Variants in ARHGAP6 observed in about 807,000 individuals in gnomAD.
The protein encoded by ARHGAP6 is rho GTPase-activating protein 6.
In ARHGAP6, 16 loss-of-function variants were observed where a neutral mutation model predicts 55.7. The ratio of observed to expected loss-of-function variants is 0.29; its 90% CI spans 0.19 to 0.44. The LOEUF is 0.44. ARHGAP6 is among the 20% of genes least tolerant of loss of function. ARHGAP6 has a pLI of 1.00. For synonymous variants in ARHGAP6, 382 were observed against 360.9 expected (o/e 1.06, Z -0.66); for missense variants, 698 against 808.9 (o/e 0.86, Z 1.66).
intron 8 of ARHGAP6, among the ~76,000 whole-genome samples, chrX:11,174,627 C>CTTTCTTTCTTTCTTTCTTTCTCTTTCT (rs2046166348): frequency 9.3e-5 from 1 of 10,737 alleles, no homozygotes; most frequent in Non-Finnish European, 1.6e-4. Flanking sequence ...TCTTTCTTTT[C>CTTTCTTTCTTTCTTTCTTTCTCTTTCT]TTTCTTTCTT....
intron 8 of ARHGAP6, among the ~76,000 whole-genome samples, chrX:11,177,372 G>GC (rs1309647469): frequency 1.4e-5 from 1 of 72,074 alleles, no homozygotes; most frequent in African/African-American, 4.5e-5. Context: ...TTGGTGGGCG[G>GC]GGGGGGGGCA....
At chrX:11,348,047 A>G (rs1382513482) in intron 1 of ARHGAP6, among the ~76,000 whole-genome samples, 1 of 112,202 alleles carries the variant, frequency 8.9e-6, no homozygotes, top group Non-Finnish European at 1.9e-5. Context: ...AACTGTTACT[A>G]CTTATTTGTA....
chrX:11,558,159 C>A (rs971211571), intron 1 of ARHGAP6, among the ~76,000 whole-genome samples: 2 of 111,740 alleles, frequency 1.8e-5, no homozygotes, highest in African/African-American at 6.5e-5. Context: ...TAGAGAGGAG[C>A]TGTAGTATGT....
chrX:11,563,536 G>T (rs915550500), intron 1 of ARHGAP6, among the ~76,000 whole-genome samples: 1 of 111,231 alleles, frequency 9.0e-6, no homozygotes, highest in African/African-American at 3.3e-5. Flanking sequence ...ATGCATATAA[G>T]TACATATCCA....
At chrX:11,217,126 T>C (rs2046894845) in intron 2 of ARHGAP6, among the ~76,000 whole-genome samples, 1 of 112,176 alleles carries the variant, frequency 8.9e-6, no homozygotes, top group East Asian at 2.8e-4. Context: ...TGATGGGCAT[T>C]TGGGTTGGTT....
At chrX:11,415,874 T>C (rs1216077553) in intron 1 of ARHGAP6, among the ~76,000 whole-genome samples, 1 of 111,812 alleles carries the variant, frequency 8.9e-6, no homozygotes, top group Admixed American at 9.5e-5. Context: ...GAGCTCTGTC[T>C]AGCTAAGCCA....
At chrX:11,561,258 A>T (rs912701819) in intron 1 of ARHGAP6, among the ~76,000 whole-genome samples, 1 of 112,267 alleles carries the variant, frequency 8.9e-6, no homozygotes, top group African/African-American at 3.2e-5. Flanking sequence ...ATATAATGGA[A>T]CACTATAAAA....
chrX:11,622,793 A>G (rs2052245343), intron 1 of ARHGAP6, among the ~76,000 whole-genome samples: 1 of 111,796 alleles, frequency 8.9e-6, no homozygotes, highest in Admixed American at 9.5e-5. Flanking sequence ...TATATGGATT[A>G]GAAATTTTGC....
At chrX:11,309,162 G>A (rs779361230) in intron 1 of ARHGAP6, among the ~76,000 whole-genome samples, 5 of 111,768 alleles carry the variant, frequency 4.5e-5, no homozygotes, top group South Asian at 3.8e-4. Flanking sequence ...AATCTTTCAC[G>A]TCTTCCTGGC....
chrX:11,473,066 G>A (rs754183648), intron 1 of ARHGAP6, among the ~76,000 whole-genome samples: 8 of 110,812 alleles, frequency 7.2e-5, no homozygotes, highest in African/African-American at 2.3e-4. Flanking sequence ...TCTCACATCC[G>A]GTTTCCCTCC....
chrX:11,211,222 G>GTTTT (rs1231718233), intron 2 of ARHGAP6, among the ~76,000 whole-genome samples: 10 of 91,926 alleles, frequency 1.1e-4, no homozygotes, highest in African/African-American at 4.0e-4. Context: ...GAGAACTGCT[G>GTTTT]TTTTTTTTTT....
rs976692506 is a variant in ARHGAP6, at chrX:11,665,074, C to T, written c.-246G>A. The T allele has an allele frequency of 1.6e-5, 5 of 318,200 alleles. No homozygotes were observed. Among genetic ancestry groups the T allele is most frequent in the Non-Finnish European group, 2.7e-5 (5 of 185,879 alleles). 26.2% of individuals were successfully genotyped at this position (318,200 alleles called of 1,213,427 possible). ...AATGGGTCTGGGGACCTCCTGCAGC[C>T]GCTAGAACCTTCCTCCGGAGCCCAA... On this transcript the variant is annotated 5_prime_UTR_variant, in exon 1 of 13. Coordinates refer to ENST00000337414, the MANE Select transcript of ARHGAP6 (RefSeq NM_013427.3).
At chrX:11,139,772 T>C (rs1176579978) in intron 12 of ARHGAP6, among the ~76,000 whole-genome samples, 1 of 112,213 alleles carries the variant, frequency 8.9e-6, no homozygotes, top group African/African-American at 3.2e-5. Flanking sequence ...ACAGGTTAGC[T>C]GAGACGTCAG....
At chrX:11,200,469 G>A (rs2046604061) in intron 2 of ARHGAP6, among the ~76,000 whole-genome samples, 1 of 112,498 alleles carries the variant, frequency 8.9e-6, no homozygotes, top group Non-Finnish European at 1.9e-5. Context: ...ACCCAACTGT[G>A]TGGGAGGTGG....
chrX:11,335,452 A>C (rs1308843667), intron 1 of ARHGAP6, among the ~76,000 whole-genome samples: 3 of 110,814 alleles, frequency 2.7e-5, no homozygotes, highest in African/African-American at 9.9e-5. Context: ...ACTCCCACTT[A>C]TGAGTGAGAA....
At chrX:11,300,736 C>T in intron 1 of ARHGAP6, 2 of 665,694 alleles carry the variant, frequency 3.0e-6, no homozygotes, top group Non-Finnish European at 4.8e-6. Context: ...GTACCATTAG[C>T]AGACAATAAA....
At chrX:11,421,323 G>A (rs1296316515) in intron 1 of ARHGAP6, among the ~76,000 whole-genome samples, 2 of 112,277 alleles carry the variant, frequency 1.8e-5, no homozygotes, top group South Asian at 3.7e-4. Flanking sequence ...TTTGAGGCTG[G>A]ACAACTCCTT....
At chrX:11,519,962 G>T (rs1266261077) in intron 1 of ARHGAP6, among the ~76,000 whole-genome samples, 14 of 93,600 alleles carry the variant, frequency 1.5e-4, no homozygotes, top group African/African-American at 5.2e-4. Context: ...AAAAGCAATG[G>T]CAACAAAAGC....
intron 1 of ARHGAP6, among the ~76,000 whole-genome samples, chrX:11,393,687 T>G (rs969122844): frequency 6.3e-5 from 7 of 111,486 alleles, no homozygotes; most frequent in African/African-American, 2.3e-4. Flanking sequence ...GTAGTATTAT[T>G]TCATAATCTA....
Sources: gnomAD v4.1 joint callset for allele counts (sites outside exome capture counted in the v4.1 genomes callset) on GRCh38, gnomAD v4.1.1 for gene constraint, MANE v1.5 for transcripts, NCBI Gene and HGNC (gene_info 2026-07-23, HGNC 2026-07-21) for gene names.